Variants in SLC4A4 observed in about 807,000 individuals in gnomAD.
The protein encoded by SLC4A4 is electrogenic sodium bicarbonate cotransporter 1.
A neutral mutation model predicts 111.5 loss-of-function variants in SLC4A4; 27 were observed. The ratio of observed to expected loss-of-function variants is 0.24; its 90% CI spans 0.18 to 0.33. The LOEUF (loss-of-function observed/expected upper bound fraction) is 0.33, where lower values mean the gene tolerates loss of function less well. Among genes scored for constraint, SLC4A4 ranks in the 10% least tolerant of loss-of-function variants. The pLI is 1.00. For synonymous variants in SLC4A4, 443 were observed against 463.4 expected, an observed-to-expected ratio of 0.96 and a Z score of 0.57; for missense variants, 909 against 1,315.5, an observed-to-expected ratio of 0.69 and a Z score of 4.78.
intron 6 of SLC4A4, among the ~76,000 whole-genome samples, chr4:71,365,593 C>T (rs932184772): frequency 2.0e-5 from 3 of 152,168 alleles, no homozygotes; most frequent in African/African-American, 7.2e-5. Flanking sequence ...TTCTACTCAA[C>T]TCCTGTATCC....
At chr4:71,123,041 C>T (rs1361850571) in intron 2 of SLC4A4, among the ~76,000 whole-genome samples, 1 of 152,206 alleles carries the variant, frequency 6.6e-6, no homozygotes, top group African/African-American at 2.4e-5. Flanking sequence ...AGAACAAGAA[C>T]GATCTCTTGA....
intron 6 of SLC4A4, among the ~76,000 whole-genome samples, chr4:71,372,113 T>C (rs932228323): frequency 2.0e-5 from 3 of 152,252 alleles, no homozygotes; most frequent in Admixed American, 2.0e-4. Context: ...AAAGTTTATC[T>C]TTAAAGATTT....
intron 3 of SLC4A4, among the ~76,000 whole-genome samples, chr4:71,285,019 A>G (rs1723800386): frequency 6.6e-6 from 1 of 152,138 alleles, no homozygotes; most frequent in South Asian, 2.1e-4. Context: ...GCAGTAGATT[A>G]CAGATGTGCT....
chr4:71,249,859 G>A (rs1182004957), intron 2 of SLC4A4, among the ~76,000 whole-genome samples: 1 of 150,746 alleles, frequency 6.6e-6, no homozygotes, highest in East Asian at 1.9e-4. Flanking sequence ...ACTCCAGCCT[G>A]GGCAACAGAG....
intron 1 of SLC4A4, among the ~76,000 whole-genome samples, chr4:71,077,131 T>C (rs140499387): frequency 6.7e-6 from 1 of 149,496 alleles, no homozygotes; most frequent in African/African-American, 2.4e-5. Context: ...TTGAAGTTGA[T>C]TAATTAGTGG....
At chr4:71,205,720 A>G (rs1254818845) in intron 1 of SLC4A4, among the ~76,000 whole-genome samples, 1 of 152,222 alleles carries the variant, frequency 6.6e-6, no homozygotes, top group Non-Finnish European at 1.5e-5. Flanking sequence ...AATGAAAATA[A>G]AATGAGAGCC....
chr4:71,470,530 C>A (rs1031297610), intron 13 of SLC4A4, among the ~76,000 whole-genome samples: 4 of 151,908 alleles, frequency 2.6e-5, no homozygotes, highest in Non-Finnish European at 4.4e-5. Context: ...TCAGGAAAGG[C>A]CTTAAAACTC....
At chr4:71,395,418 A>G (rs1456083408) in intron 6 of SLC4A4, among the ~76,000 whole-genome samples, 1 of 152,162 alleles carries the variant, frequency 6.6e-6, no homozygotes, top group Non-Finnish European at 1.5e-5. Flanking sequence ...AGATTTGATT[A>G]TTTCTTAATA....
intron 2 of SLC4A4, among the ~76,000 whole-genome samples, chr4:71,109,743 A>C (rs1308839270): frequency 6.6e-6 from 1 of 151,986 alleles, no homozygotes; most frequent in Non-Finnish European, 1.5e-5. Flanking sequence ...GGTTTTCACT[A>C]TGTTGGCCAG....
At chr4:71,290,428 A>G (rs941369751) in intron 3 of SLC4A4, among the ~76,000 whole-genome samples, 6 of 152,218 alleles carry the variant, frequency 3.9e-5, no homozygotes, top group Non-Finnish European at 7.3e-5. Flanking sequence ...GAGAATTTCA[A>G]CAGTGCTAAC....
intron 4 of SLC4A4, among the ~76,000 whole-genome samples, chr4:71,347,650 G>A (rs114036649): frequency 1.1e-3 from 162 of 152,260 alleles, no homozygotes; most frequent in African/African-American, 3.8e-3. Flanking sequence ...TCAGACCATA[G>A]AGAGGATGAT....
chr4:71,553,782 G>A (rs1234911634), intron 20 of SLC4A4, among the ~76,000 whole-genome samples: 1 of 151,768 alleles, frequency 6.6e-6, no homozygotes, highest in African/African-American at 2.4e-5. Flanking sequence ...AAATAAAGAG[G>A]CTTGAGTGTG....
intron 1 of SLC4A4, among the ~76,000 whole-genome samples, chr4:71,205,729 C>T (rs1717713990): frequency 1.3e-5 from 2 of 152,114 alleles, no homozygotes; most frequent in South Asian, 2.1e-4. Context: ...AAAATGAGAG[C>T]CTGTCAGCTG....
chr4:71,101,209 A>G (rs957336730), intron 2 of SLC4A4, among the ~76,000 whole-genome samples: 5 of 152,314 alleles, frequency 3.3e-5, no homozygotes, highest in African/African-American at 1.2e-4. Context: ...CAGTGAGCTG[A>G]GATTGCGCCA....
chr4:71,420,072 A>G (rs1243050751), intron 7 of SLC4A4, among the ~76,000 whole-genome samples: 2 of 152,236 alleles, frequency 1.3e-5, no homozygotes, highest in Admixed American at 6.5e-5. Flanking sequence ...AAAGGCAAAG[A>G]AGTTAAAAAC....
intron 14 of SLC4A4, among the ~76,000 whole-genome samples, chr4:71,486,272 T>A (rs1479324748): frequency 6.6e-6 from 1 of 151,516 alleles, no homozygotes; most frequent in Non-Finnish European, 1.5e-5. Flanking sequence ...GTTTTTTAAT[T>A]TTCAGACACA....
chr4:71,530,019 A>C (rs1415053119), intron 16 of SLC4A4, among the ~76,000 whole-genome samples: 1 of 152,152 alleles, frequency 6.6e-6, no homozygotes. Context: ...CTACTTGCAC[A>C]AAACTTAATA....
chr4:71,142,515 T>TTTTG (rs565399041), intron 2 of SLC4A4, among the ~76,000 whole-genome samples: 64 of 152,252 alleles, frequency 4.2e-4, no homozygotes, highest in Non-Finnish European at 7.4e-4. Context: ...CTTTCTTTCT[T>TTTTG]TTTGTTTGTT....
chr4:71,356,247 AAC>A (rs1422437432), intron 5 of SLC4A4, among the ~76,000 whole-genome samples: 3 of 152,228 alleles, frequency 2.0e-5, no homozygotes, highest in East Asian at 1.9e-4. Context: ...ATTTCTATGA[AAC>A]ACAGTCATCT....
Sources: gnomAD v4.1 joint callset for allele counts (sites outside exome capture counted in the v4.1 genomes callset) on GRCh38, gnomAD v4.1.1 for gene constraint, MANE v1.5 for transcripts, NCBI Gene and HGNC (gene_info 2026-07-23, HGNC 2026-07-21) for gene names.